Variants in EDA observed in about 807,000 individuals in gnomAD.
EDA encodes the protein ectodysplasin-A.
A neutral mutation model predicts 23.6 loss-of-function variants in EDA; 2 were observed. The ratio of observed to expected loss-of-function variants is 0.08; its 90% CI spans 0.03 to 0.27. The LOEUF (loss-of-function observed/expected upper bound fraction) is 0.27, where lower values mean the gene tolerates loss of function less well. Ranked by LOEUF, EDA falls within the 10% of genes least tolerant of loss-of-function variation. The probability of loss-of-function intolerance (pLI) is 1.00; values close to 1 mark genes in which losing one functional copy is unlikely to be tolerated. For synonymous variants in EDA, 131 were observed against 132.0 expected (o/e 0.99, Z 0.05); for missense variants, 229 against 324.2 (o/e 0.71, Z 2.26).
chrX:69,827,684 C>T (rs1039846187), intron 1 of EDA, among the ~76,000 whole-genome samples: 3 of 112,005 alleles, frequency 2.7e-5, no homozygotes, highest in South Asian at 3.7e-4. Flanking sequence ...TCGTCTGAAG[C>T]CTTCTTCTCT....
At chrX:69,766,026 G>C (rs764050237) in intron 1 of EDA, among the ~76,000 whole-genome samples, 7 of 111,852 alleles carry the variant, frequency 6.3e-5, no homozygotes, top group African/African-American at 9.7e-5. Context: ...CGATACCCTT[G>C]AGATTTATCT....
chrX:69,655,898 A>C (rs1933307029), intron 1 of EDA, among the ~76,000 whole-genome samples: 1 of 105,043 alleles, frequency 9.5e-6, no homozygotes, highest in African/African-American at 3.5e-5. Flanking sequence ...TCCGTTACTC[A>C]TTCTGTCCTA....
At chrX:69,633,262 T>G (rs2147220404) in intron 1 of EDA, among the ~76,000 whole-genome samples, 1 of 112,412 alleles carries the variant, frequency 8.9e-6, no homozygotes, top group South Asian at 3.7e-4. Context: ...CACTTGACAT[T>G]ATGAATTTAC....
chrX:69,852,943 A>T (rs185696880), intron 1 of EDA, among the ~76,000 whole-genome samples: 1 of 112,336 alleles, frequency 8.9e-6, no homozygotes, highest in Non-Finnish European at 1.9e-5. Flanking sequence ...AATGCAAATC[A>T]TATTTTGAAG....
At chrX:69,900,335 A>T (rs1160076469) in intron 1 of EDA, among the ~76,000 whole-genome samples, 3 of 107,818 alleles carry the variant, frequency 2.8e-5, no homozygotes, top group Non-Finnish European at 5.8e-5. Context: ...CATATGTATG[A>T]TATATATATA....
chrX:69,618,546 CAT>C (rs971540379), intron 1 of EDA, among the ~76,000 whole-genome samples: 9 of 111,710 alleles, frequency 8.1e-5, no homozygotes, highest in African/African-American at 2.9e-4. Context: ...CCTTGGGAAA[CAT>C]AGGCCCTAAA....
At chrX:69,921,682 T>G (rs1376551801) in intron 1 of EDA, among the ~76,000 whole-genome samples, 2 of 111,292 alleles carry the variant, frequency 1.8e-5, no homozygotes, top group Non-Finnish European at 3.8e-5. Context: ...CCAAAATTAC[T>G]TAGGTTGGGC....
At chrX:69,786,605 G>T (rs1345428417) in intron 1 of EDA, among the ~76,000 whole-genome samples, 1 of 109,953 alleles carries the variant, frequency 9.1e-6, no homozygotes, top group Non-Finnish European at 1.9e-5. Context: ...GTAGTTTTGA[G>T]TGAGATTCTT....
chrX:69,840,121 CT>C (rs1173403962), intron 1 of EDA, among the ~76,000 whole-genome samples: 1 of 109,313 alleles, frequency 9.1e-6, no homozygotes, highest in South Asian at 4.0e-4. Flanking sequence ...CCACACTGGC[CT>C]TTTTTTTTCT....
chrX:69,962,123 C>T (rs1158992361), intron 2 of EDA, among the ~76,000 whole-genome samples: 7 of 112,304 alleles, frequency 6.2e-5, no homozygotes, highest in Admixed American at 4.7e-4. Context: ...TGTTCTCTTC[C>T]GATAGGAGCA....
chrX:69,823,089 T>A (rs1210896904), intron 1 of EDA, among the ~76,000 whole-genome samples: 12 of 95,230 alleles, frequency 1.3e-4, no homozygotes, highest in Non-Finnish European at 2.3e-4. Flanking sequence ...CTTAATCCAG[T>A]CTATCATTGT....
intron 1 of EDA, among the ~76,000 whole-genome samples, chrX:69,637,151 A>G (rs1431467026): frequency 2.7e-5 from 3 of 111,882 alleles, no homozygotes; most frequent in African/African-American, 9.8e-5. Context: ...GAAGAAATAC[A>G]AAAGTGCAAA....
chrX:69,967,329 G>A (rs2019188948), intron 2 of EDA, among the ~76,000 whole-genome samples: 1 of 110,853 alleles, frequency 9.0e-6, no homozygotes, highest in Non-Finnish European at 1.9e-5. Flanking sequence ...ATAGGACTTG[G>A]TGATTTGATT....
At chrX:69,855,498 A>G (rs1046191446) in intron 1 of EDA, among the ~76,000 whole-genome samples, 1 of 111,946 alleles carries the variant, frequency 8.9e-6, no homozygotes, top group South Asian at 3.7e-4. Flanking sequence ...TCTATATAGT[A>G]TAAGGAAGGA....
chrX:69,657,492 G>A lies in EDA; in HGVS notation c.396+40788G>A, dbSNP rs751816924. Among the ~76,000 whole-genome samples, 9 of 111,904 alleles carry A rather than the reference G, an allele frequency of 8.0e-5. No individual in the cohort carries two copies. In the South Asian group the frequency reaches 3.3e-3, roughly 41 times the overall value. On this transcript the variant is annotated intron_variant, in intron 1 of 7. Coordinates refer to ENST00000374552, the MANE Select transcript of EDA (RefSeq NM_001399.5). ...AAGCTCTTTTGTTTAAGTCTCATGT[G>A]TCTATTTTTCATTTTGTTGCATTTG...
chrX:69,766,316 A>AC (rs1337788460), intron 1 of EDA, among the ~76,000 whole-genome samples: 1 of 110,856 alleles, frequency 9.0e-6, no homozygotes, highest in African/African-American at 3.3e-5. Context: ...GTTCAGGGTT[A>AC]CATATGCAGG....
chrX:69,881,880 T>C (rs1460724204), intron 1 of EDA, among the ~76,000 whole-genome samples: 1 of 110,484 alleles, frequency 9.1e-6, no homozygotes, highest in Non-Finnish European at 1.9e-5. Flanking sequence ...CCAGGCTCTT[T>C]TTAACAATCA....
chrX:69,697,121 C>T (rs1344550293), intron 1 of EDA, among the ~76,000 whole-genome samples: 2 of 111,707 alleles, frequency 1.8e-5, no homozygotes, highest in Non-Finnish European at 3.8e-5. Flanking sequence ...TTTTAATGAG[C>T]GCCTGGGTGC....
intron 1 of EDA, among the ~76,000 whole-genome samples, chrX:69,709,598 T>A (rs932747383): frequency 1.8e-5 from 2 of 111,523 alleles, no homozygotes; most frequent in Non-Finnish European, 3.8e-5. Flanking sequence ...GGTGAACGAG[T>A]TTTTTTCCTA....
Sources: gnomAD v4.1 joint callset for allele counts (sites outside exome capture counted in the v4.1 genomes callset) on GRCh38, gnomAD v4.1.1 for gene constraint, MANE v1.5 for transcripts, NCBI Gene and HGNC (gene_info 2026-07-23, HGNC 2026-07-21) for gene names.